KALRN: variants seen among roughly 807,000 people sequenced by gnomAD.
KALRN encodes the protein kalirin.
In KALRN, 70 loss-of-function variants were observed where a neutral mutation model predicts 353.7. The observed-to-expected ratio is 0.20, with a 90% CI of 0.16 to 0.24. KALRN has a LOEUF of 0.24. Ranked by LOEUF, KALRN falls within the 10% of genes least tolerant of loss-of-function variation. The pLI is 1.00. For missense variants in KALRN, 2,791 were observed against 3,756.7 expected (o/e 0.74, Z 6.72); for synonymous variants, 1,391 against 1,434.8 (o/e 0.97, Z 0.69).
chr3:124,446,054 T>C (rs1305912687), intron 19 of KALRN, 107 bp from the exon 20 acceptor site: 1 of 655,816 alleles, frequency 1.5e-6, no homozygotes, highest in Non-Finnish European at 2.7e-6. Flanking sequence ...ATGGGGATGC[T>C]TGAAATCACA....
chr3:124,148,814 A>G (rs971196761), intron 1 of KALRN, among the ~76,000 whole-genome samples: 2 of 152,218 alleles, frequency 1.3e-5, no homozygotes, highest in Admixed American at 6.5e-5. Flanking sequence ...GTATGAATTT[A>G]AATGATTTAT....
intron 1 of KALRN, among the ~76,000 whole-genome samples, chr3:124,201,210 TCTTA>T (rs2075911182): frequency 1.3e-5 from 2 of 152,340 alleles, no homozygotes; most frequent in East Asian, 1.9e-4. Context: ...AGGTCCAACC[TCTTA>T]CTTAAGACAA....
At chr3:124,688,085 G>T (rs990665257) in intron 51 of KALRN, among the ~76,000 whole-genome samples, 2 of 152,132 alleles carry the variant, frequency 1.3e-5, no homozygotes, top group African/African-American at 4.8e-5. Context: ...GCACAGGTGG[G>T]AGGATTACTT....
chr3:124,163,855 C>T (rs530152672), intron 1 of KALRN: 8 of 985,468 alleles, frequency 8.1e-6, no homozygotes, highest in Non-Finnish European at 9.6e-6. Context: ...TTTGCTTTCA[C>T]CTCTGCATGA....
At chr3:124,590,414 G>T (rs1173620761) in intron 34 of KALRN, among the ~76,000 whole-genome samples, 1 of 151,986 alleles carries the variant, frequency 6.6e-6, no homozygotes, top group Non-Finnish European at 1.5e-5. Context: ...AATAAAAGGT[G>T]CAAATTATGA....
At chr3:124,234,802 AC>A in intron 2 of KALRN, 26 bp from the exon 3 acceptor site, 8 of 1,531,092 alleles carry the variant, frequency 5.2e-6, no homozygotes, top group Non-Finnish European at 5.3e-6. Flanking sequence ...GTTTTCTTAA[AC>A]ACTCTTCTCT....
intron 34 of KALRN, among the ~76,000 whole-genome samples, chr3:124,601,322 T>C (rs2076786873): frequency 1.3e-5 from 2 of 152,240 alleles, no homozygotes; most frequent in South Asian, 4.1e-4. Context: ...GACATTTCTC[T>C]AACTTATAGG....
chr3:124,350,998 G>C (rs1274589863), intron 10 of KALRN, among the ~76,000 whole-genome samples: 1 of 152,096 alleles, frequency 6.6e-6, no homozygotes, highest in Non-Finnish European at 1.5e-5. Context: ...GGGATTGTTA[G>C]TCCACATAGG....
intron 37 of KALRN, among the ~76,000 whole-genome samples, chr3:124,646,027 C>G (rs192435946): frequency 6.6e-6 from 1 of 151,858 alleles, no homozygotes; most frequent in Non-Finnish European, 1.5e-5. Context: ...GGAATCGGAC[C>G]CTGATCTCTT....
chr3:124,312,740 A>C (rs938529515), intron 6 of KALRN, among the ~76,000 whole-genome samples: 17 of 152,240 alleles, frequency 1.1e-4, no homozygotes, highest in African/African-American at 4.1e-4. Context: ...TGAGAACAGC[A>C]AGGTTCATGA....
At chr3:124,460,966 A>C (rs535003189) in intron 23 of KALRN, among the ~76,000 whole-genome samples, 2 of 152,176 alleles carry the variant, frequency 1.3e-5, no homozygotes, top group African/African-American at 4.8e-5. Flanking sequence ...TACTGTGCTT[A>C]TGGTTGCACG....
At chr3:124,422,467 G>GTTTGTGAATATTCTGGGTGTTGGCAAA (rs1553961813) in intron 14 of KALRN, among the ~76,000 whole-genome samples, 16 of 152,036 alleles carry the variant, frequency 1.1e-4, no homozygotes, top group Non-Finnish European at 2.1e-4. Context: ...TTAGAGGCTT[G>GTTTGTGAATATTCTGGGTGTTGGCAAA]TTTGTGAATA....
At chr3:124,325,681 A>G (rs933058411) in intron 6 of KALRN, among the ~76,000 whole-genome samples, 2 of 152,174 alleles carry the variant, frequency 1.3e-5, no homozygotes, top group Non-Finnish European at 2.9e-5. Context: ...ATGACTTCAT[A>G]AGATGGTTGT....
intron 51 of KALRN, 184 bp downstream of exon 51, chr3:124,679,701 G>A: frequency 1.5e-6 from 1 of 687,418 alleles, no homozygotes; most frequent in Admixed American, 2.2e-5. Flanking sequence ...AGTGTTGGTA[G>A]AAAACTCTAC....
chr3:124,395,198 G>C lies in KALRN; in HGVS notation c.2026G>C (p.Asp676His), dbSNP rs760169259. 3 of 1,613,538 alleles carry C rather than the reference G, an allele frequency of 1.9e-6. No individual in the cohort carries two copies. The highest frequency in any genetic ancestry group is 2.5e-6 in the Non-Finnish European group (3 of 1,179,952). The change falls in exon 12 of 60, where the codon GAT becomes CAT. Residue 676 changes from aspartate (D) to histidine (H), a missense_variant. Asp to His is a moderately conservative substitution (Grantham distance 81). Coordinates refer to ENST00000682506, the MANE Select transcript of KALRN (RefSeq NM_001388419.1). ...MLEDVCADSVDAVQELIKQFQ... is the reference protein window; with the variant it reads ...MLEDVCADSVHAVQELIKQFQ... ...GGAGGATGTCTGTGCAGATTCTGTG[G>C]ATGCAGTCCAGGAACTGATCAAGCA... is the stretch of plus-strand genomic sequence containing the variant.
At chr3:124,631,910 T>C (rs563706621) in intron 34 of KALRN, among the ~76,000 whole-genome samples, 1 of 152,340 alleles carries the variant, frequency 6.6e-6, no homozygotes, top group South Asian at 2.1e-4. Flanking sequence ...TTGGGACCTT[T>C]GTGTTTGCTC....
At chr3:124,613,006 C>T (rs1346040705) in intron 34 of KALRN, among the ~76,000 whole-genome samples, 1 of 152,206 alleles carries the variant, frequency 6.6e-6, no homozygotes, top group Non-Finnish European at 1.5e-5. Flanking sequence ...ATTTTCTCTG[C>T]AAAGGATATC....
intron 35 of KALRN, 114 bp downstream of exon 35, chr3:124,632,817 C>T (rs2080928233): frequency 3.9e-6 from 4 of 1,020,136 alleles, no homozygotes; most frequent in South Asian, 1.6e-5. Context: ...TACCTTGAGC[C>T]TAAGTGATTT....
chr3:124,679,600 C>G (rs752479847), intron 51 of KALRN, 83 bp downstream of exon 51: 2 of 1,144,492 alleles, frequency 1.7e-6, no homozygotes, highest in Non-Finnish European at 1.3e-6. Context: ...GCTAAAATGA[C>G]CAGCCATTCA....
Sources: allele counts gnomAD v4.1 joint callset (sites outside exome capture counted in the v4.1 genomes callset), GRCh38; gene constraint gnomAD v4.1.1; transcripts MANE v1.5; gene names NCBI Gene and HGNC (gene_info 2026-07-23, HGNC 2026-07-21).